ZFP64: variants seen among roughly 807,000 people sequenced by gnomAD.
The protein encoded by ZFP64 is ZFP64 zinc finger protein.
In ZFP64, 14 loss-of-function variants were observed where a neutral mutation model predicts 51.6. The ratio of observed to expected loss-of-function variants is 0.27; its 90% CI spans 0.18 to 0.42. ZFP64 has a LOEUF of 0.42. ZFP64 is among the 10% of genes least tolerant of loss of function. The pLI, the probability that ZFP64 is intolerant of heterozygous loss-of-function variation, is 1.00. For missense variants in ZFP64, 754 were observed against 906.8 expected (o/e 0.83, Z 2.16); for synonymous variants, 375 against 361.4 (o/e 1.04, Z -0.43).
chr20:52,191,515 G>A lies in ZFP64; in HGVS notation c.46+76C>T, dbSNP rs1984369416. 6.9e-6 allele frequency: 10 copies of A among 1,449,116 alleles called. No individual in the cohort carries two copies. The highest frequency in any genetic ancestry group is 8.2e-6 in the Non-Finnish European group (9 of 1,099,132). 89.8% of individuals were successfully genotyped at this position (1,449,116 alleles called of 1,614,324 possible). A position where few individuals can be genotyped will look rare whatever the true frequency, so the allele number is the denominator to read the frequency against. ...GGGCCCCGGGCCTGCTGGCTGCGTCGCAGACGTGCTTGGGCCCGGGCCCCG... is the reference window on the plus strand; with the variant it reads ...GGGCCCCGGGCCTGCTGGCTGCGTCACAGACGTGCTTGGGCCCGGGCCCCG... On this transcript the variant is annotated intron_variant, in intron 1 of 5. Transcript: ENST00000216923. The surrounding 1 kb of genome is among the most constrained non-coding windows in gnomAD (Gnocchi z 4.3).
intron 5 of ZFP64, among the ~76,000 whole-genome samples, chr20:52,139,943 G>A (rs1209840222): frequency 2.0e-5 from 3 of 151,138 alleles, no homozygotes; most frequent in Non-Finnish European, 4.4e-5. Context: ...GGCTCACTTG[G>A]GGTCTCTGTG....
chr20:52,145,024 A>C (rs754464460), intron 5 of ZFP64, among the ~76,000 whole-genome samples: 4 of 152,232 alleles, frequency 2.6e-5, no homozygotes, highest in Non-Finnish European at 4.4e-5. Flanking sequence ...AACAGAACAG[A>C]TAATTTCTGA....
Position 52,153,003 on chromosome 20 carries a change from T to C in ZFP64, c.1189A>G (p.Met397Val). 1 of 1,614,002 alleles carries C rather than the reference T, an allele frequency of 6.2e-7. No individual in the cohort carries two copies. Among genetic ancestry groups the C allele is most frequent in the Non-Finnish European group, 8.5e-7 (1 of 1,180,044 alleles). Reference protein sequence around the residue: ...SKHMKKFHGDMVKTEALERKD... With the variant: ...SKHMKKFHGDVVKTEALERKD... ...CTCTCTAGAGCCTCAGTCTTAACCATGTCCCCATGGAACTTCTTCATGTGC... is the reference window on the plus strand; with the variant it reads ...CTCTCTAGAGCCTCAGTCTTAACCACGTCCCCATGGAACTTCTTCATGTGC... The change falls in exon 6 of 6, where the codon ATG becomes GTG. Residue 397 changes from methionine to valine, a missense_variant. Physicochemically the swap from Met to Val is conservative, Grantham distance 21. Transcript: ENST00000216923. The surrounding 1 kb of genome is among the most constrained non-coding windows in gnomAD (Gnocchi z 5.1).
chr20:52,120,776 A>C (rs1187858719), intron 5 of ZFP64, among the ~76,000 whole-genome samples: 1 of 147,718 alleles, frequency 6.8e-6, no homozygotes, highest in Admixed American at 7.0e-5. Context: ...TTCCAGGTTC[A>C]AGAGATTCTC....
In ZFP64 at chr20:52,088,952, G is replaced by A. The variant is rs779053883; in HGVS notation, c.977-309C>T. The A allele has an allele frequency of 5.4e-6, 3 of 560,710 alleles. No homozygotes were observed. In the African/African-American group the frequency reaches 5.6e-5, roughly 10 times the overall value. 34.7% of individuals were successfully genotyped at this position (560,710 alleles called of 1,614,324 possible). On this transcript the variant is annotated intron_variant, in intron 7 of 8. Transcript: ENST00000361387. ...TCAGGATAAGAAGTGGCAGCTGTAG[G>A]GATCTTGGGCAGCTTCATGAACCAC... is the stretch of plus-strand genomic sequence containing the variant.
chr20:52,137,892 C>A (rs1023733959), intron 5 of ZFP64, among the ~76,000 whole-genome samples: 1 of 151,972 alleles, frequency 6.6e-6, no homozygotes, highest in Non-Finnish European at 1.5e-5. Context: ...TATTGGAAAG[C>A]AGGCCCGGTG....
At chr20:52,165,082 A>T (rs775899492) in intron 3 of ZFP64, 2 of 491,822 alleles carry the variant, frequency 4.1e-6, no homozygotes, top group South Asian at 3.1e-5. Flanking sequence ...TCTTGATTAG[A>T]GGAAATGAAA....
intron 5 of ZFP64, among the ~76,000 whole-genome samples, chr20:52,106,096 C>G (rs772843572): frequency 5.3e-5 from 8 of 152,210 alleles, no homozygotes; most frequent in Admixed American, 1.3e-4. Flanking sequence ...CGCCCCGTGA[C>G]TCGGGCGCAC....
chr20:52,166,135 C>A, intron 2 of ZFP64, 110 bp from the exon 3 acceptor site: 1 of 1,154,822 alleles, frequency 8.7e-7, no homozygotes, highest in South Asian at 1.7e-5. Flanking sequence ...CTTTCCCAGC[C>A]TCCCTTGCGG....
At position 52,152,951 on chromosome 20, in the gene ZFP64, C is replaced by T. The variant is rs200517277; in HGVS notation, c.1241G>A (p.Arg414Gln). Residue 414 changes from arginine (R) to glutamine (Q), a missense_variant, in exon 6 of 6, where the codon CGG becomes CAG. Physicochemically the swap from Arg to Gln is conservative, Grantham distance 43. Around this residue, in one of 3 missense-constraint regions of ZFP64, gnomAD observed 428 missense variants for 472.4 expected, o/e 0.91. Coordinates refer to ENST00000216923, the MANE Select transcript of ZFP64 (RefSeq NM_018197.3). ...CTTGGCATCCAGCTTGGCCACCTGC[C>T]GGCTGCTCTGCCTGCCGGTGTCCTT... ...ERKDTGRQSS[R>Q]QVAKLDAKKS... 1.4e-5 allele frequency: 23 copies of T among 1,613,578 alleles called. No homozygotes were observed. Among genetic ancestry groups the T allele is most frequent in the Non-Finnish European group, 1.9e-5 (22 of 1,180,048 alleles).
chr20:52,105,479 A>G (rs1978307337), intron 5 of ZFP64: 4 of 631,390 alleles, frequency 6.3e-6, no homozygotes, highest in South Asian at 8.4e-5. Flanking sequence ...GGAGCTCGTT[A>G]GAAATGCAGA....
Position 52,160,848 on chromosome 20 carries a change from T to C in ZFP64, c.512-474A>G, listed in dbSNP as rs2123002466. On this transcript the variant is annotated intron_variant, in intron 4 of 5. Coordinates refer to ENST00000216923, the MANE Select transcript of ZFP64 (RefSeq NM_018197.3). The surrounding 1 kb of genome is among the most constrained non-coding windows in gnomAD (Gnocchi z 4.2). ...GCTGTGATCTGTGACTAAGTTCCTATCAAAGCGATGGCAGAGAAAGTAAAG... is the reference window on the plus strand; with the variant it reads ...GCTGTGATCTGTGACTAAGTTCCTACCAAAGCGATGGCAGAGAAAGTAAAG... Among the ~76,000 whole-genome samples the C allele has an allele frequency of 6.6e-6, 1 of 152,304 alleles. No individual in the cohort carries two copies. The highest frequency in any genetic ancestry group is 6.5e-5 in the Admixed American group (1 of 15,302).
At chr20:52,132,892 A>T (rs960620053) in intron 5 of ZFP64, among the ~76,000 whole-genome samples, 1 of 134,550 alleles carries the variant, frequency 7.4e-6, no homozygotes, top group African/African-American at 2.6e-5. Context: ...AAAACCAGAC[A>T]AAAACACATC....
Position 52,087,237 on chromosome 20 carries a change from T to A in ZFP64, c.1228+1155A>T, listed in dbSNP as rs2078874459. On this transcript the variant is annotated intron_variant, in intron 8 of 8. Transcript: ENST00000361387. ...TGGCCCCTTAGAATTGTGGACTTCA[T>A]TTCTCATTTGATTTTCTATTTTCAC... Among the ~76,000 whole-genome samples, 3 of 152,162 alleles carry A rather than the reference T, an allele frequency of 2.0e-5. No homozygotes were observed. In the South Asian group the frequency reaches 6.2e-4, roughly 32 times the overall value.
Position 52,151,445 on chromosome 20 carries a change from T to C in ZFP64, c.*701A>G. ...ATGAACACCCCCAAACTCTGGGGAGTATTCCAGAATGGGGCAAAAGAGAGG... is the reference window on the plus strand; with the variant it reads ...ATGAACACCCCCAAACTCTGGGGAGCATTCCAGAATGGGGCAAAAGAGAGG... On this transcript the variant is annotated 3_prime_UTR_variant, in exon 6 of 6. Coordinates refer to ENST00000216923, the MANE Select transcript of ZFP64 (RefSeq NM_018197.3). 1 of 985,094 alleles carries C rather than the reference T, an allele frequency of 1.0e-6. No homozygotes were observed. 61.0% of individuals were successfully genotyped at this position (985,094 alleles called of 1,614,324 possible). A position where few individuals can be genotyped will look rare whatever the true frequency, so the allele number is the denominator to read the frequency against.
At chr20:52,114,999 C>T (rs908660054) in intron 5 of ZFP64, among the ~76,000 whole-genome samples, 2 of 152,002 alleles carry the variant, frequency 1.3e-5, no homozygotes, top group African/African-American at 2.4e-5. Context: ...AGATCAAGAC[C>T]ATCCTGGCTA....
At chr20:52,115,836 C>A (rs1978838421) in intron 5 of ZFP64, among the ~76,000 whole-genome samples, 1 of 151,650 alleles carries the variant, frequency 6.6e-6, no homozygotes, top group Admixed American at 6.6e-5. Context: ...AGTAATATTT[C>A]TTTCTTTCTC....
At chr20:52,116,798 A>G (rs6091446) in intron 5 of ZFP64, among the ~76,000 whole-genome samples, 3 of 152,198 alleles carry the variant, frequency 2.0e-5, no homozygotes, top group African/African-American at 7.2e-5. Flanking sequence ...GGCTGGGCGC[A>G]CTGGCTCACG....
chr20:52,091,100 C>T lies in ZFP64; in HGVS notation c.977-2457G>A, dbSNP rs538584557. On this transcript the variant is annotated intron_variant, in intron 7 of 8. Coordinates refer to the ZFP64 transcript ENST00000361387. Reference sequence around the variant, plus strand: ...AGAACAAGAACTTGTCTCTATGAAACGAAAAAACCAAACAGCACAAAATAA... The same window carrying T: ...AGAACAAGAACTTGTCTCTATGAAATGAAAAAACCAAACAGCACAAAATAA... Among the ~76,000 whole-genome samples the T allele has an allele frequency of 5.3e-5, 8 of 152,022 alleles. No homozygotes were observed. In the East Asian group the frequency reaches 9.7e-4, roughly 18 times the overall value.
Sources: allele counts gnomAD v4.1 joint callset (sites outside exome capture counted in the v4.1 genomes callset), GRCh38; gene constraint gnomAD v4.1.1; regional missense constraint gnomAD v4.1.1; non-coding constraint Gnocchi (gnomAD v3.1); transcripts MANE v1.5; gene names NCBI Gene and HGNC (gene_info 2026-07-23, HGNC 2026-07-21).